The following ATP2C2 variants were observed in gnomAD, a reference collection of about 807,000 sequenced individuals.
ATP2C2 encodes the protein calcium-transporting ATPase type 2C member 2.
A neutral mutation model predicts 110.8 loss-of-function variants in ATP2C2; 171 were observed. The observed-to-expected ratio is 1.54, with a 90% CI of 1.36 to 1.75. ATP2C2 has a LOEUF of 1.75. ATP2C2 is among the 40% of genes most tolerant of loss of function. ATP2C2 has a pLI of 0.00. For synonymous variants in ATP2C2, 804 were observed against 508.4 expected (o/e 1.58, Z -7.82); for missense variants, 1,963 against 1,235.0 (o/e 1.59, Z -8.84).
In ATP2C2 at chr16:84,460,733, C is replaced by T. The variant is rs756319602; in HGVS notation, c.2413C>T (p.Leu805Phe). Residue 805 changes from leucine to phenylalanine, a missense_variant, in exon 24 of 27, where the codon CTC (leucine) becomes TTC (phenylalanine). Transcript: ENST00000262429. ...SVRDTILSRA[L>F]ILKILMSAAI... Reference sequence around the variant, plus strand: ...GCGGGACACCATCCTCAGCAGAGCCCTCATCCTGAAGATCCTCATGTCCGC... The same window carrying T: ...GCGGGACACCATCCTCAGCAGAGCCTTCATCCTGAAGATCCTCATGTCCGC... The T allele has an allele frequency of 6.2e-6, 10 of 1,614,178 alleles. No homozygotes were observed. The highest frequency in any genetic ancestry group is 5.0e-5 in the Admixed American group (3 of 60,022).
intron 11 of ATP2C2, among the ~76,000 whole-genome samples, chr16:84,432,669 T>C (rs1366402712): frequency 6.6e-6 from 1 of 152,038 alleles, no homozygotes; most frequent in South Asian, 2.1e-4. Context: ...TACAGGTGCC[T>C]GCCACCACAC....
chr16:84,430,793 C>G (rs940480886), intron 11 of ATP2C2, among the ~76,000 whole-genome samples: 2 of 152,078 alleles, frequency 1.3e-5, no homozygotes, highest in African/African-American at 4.8e-5. Context: ...CTCCTTTTTA[C>G]AGATTGGGAA....
rs748724120 is a variant in ATP2C2 at position 84,452,073 on chromosome 16, G to C, written c.1813G>C (p.Glu605Gln). The C allele has an allele frequency of 9.3e-6, 15 of 1,613,940 alleles. No homozygotes were observed. In the South Asian group the frequency reaches 1.5e-4, roughly 17 times the overall value. ...GAAGATGATAACGGGGGATGCCCTG[G>C]AGACGGCCTTGGCCATAGGTAACTG... ...SVKMITGDAL[E>Q]TALAIGRNIG... is the part of the protein sequence containing the mutation. The change falls in exon 18 of 27, where the codon GAG (glutamate) becomes CAG (glutamine). Residue 605 changes from glutamate (E) to glutamine (Q), a missense_variant. By Grantham distance (29) the Glu-to-Gln change is conservative. Coordinates refer to ENST00000262429, the MANE Select transcript of ATP2C2 (RefSeq NM_014861.4).
At position 84,460,545 on chromosome 16, in the gene ATP2C2, C is replaced by T. The variant is rs1056357307; in HGVS notation, c.2334-109C>T. On this transcript the variant is annotated intron_variant, in intron 23 of 26. Coordinates refer to ENST00000262429, the MANE Select transcript of ATP2C2 (RefSeq NM_014861.4). Reference sequence around the variant, plus strand: ...CTGGGGGCGTTCAGCAAATGCCTGGCCCTGCCCCCTGTGCCAACTTGGCCT... The same window carrying T: ...CTGGGGGCGTTCAGCAAATGCCTGGTCCTGCCCCCTGTGCCAACTTGGCCT... 2.7e-6 allele frequency: 4 copies of T among 1,498,384 alleles called. No homozygotes were observed. The East Asian group carries it at 6.8e-5, about 25-fold the overall frequency. The allele number at this position is 1,498,384 out of a possible 1,614,324, so 92.8% of individuals were successfully genotyped here.
chr16:84,410,574 C>G lies in ATP2C2; in HGVS notation c.424C>G (p.Leu142Val), dbSNP rs532150695. The change falls in exon 5 of 27, where the codon CTT (leucine) becomes GTT (valine). Residue 142 changes from leucine to valine, a missense_variant. Physicochemically the swap from Leu to Val is conservative, Grantham distance 32. Transcript: ENST00000262429. ...TCCTCCGTTTGCTGTCTAGGCAGTG[C>G]TTGTCGTGGTCACTGTCGCCTTCAT... ...EDAVSIATAV[L>V]VVVTVAFIQE... 3.1e-6 allele frequency: 5 copies of G among 1,614,064 alleles called. No individual in the cohort carries two copies. In the South Asian group the frequency reaches 4.4e-5, roughly 14 times the overall value.
At chr16:84,410,182 C>T (rs1361376198) in intron 4 of ATP2C2, among the ~76,000 whole-genome samples, 1 of 152,162 alleles carries the variant, frequency 6.6e-6, no homozygotes, top group Non-Finnish European at 1.5e-5. Flanking sequence ...GCACTCCAGC[C>T]TGGTGGCAGA....
chr16:84,459,419 C>T (rs1262286216), intron 23 of ATP2C2, 33 bp downstream of exon 23: 4 of 1,608,820 alleles, frequency 2.5e-6, no homozygotes, highest in Non-Finnish European at 2.6e-6. Flanking sequence ...CCCTGTGTCT[C>T]TTTACCCACC....
Position 84,460,752 on chromosome 16 carries a change from T to A in ATP2C2, c.2432T>A (p.Met811Lys). 2.5e-6 allele frequency: 4 copies of A among 1,614,114 alleles called. No homozygotes were observed. Among genetic ancestry groups the A allele is most frequent in the Non-Finnish European group, 3.4e-6 (4 of 1,179,974 alleles). ...AGAGCCCTCATCCTGAAGATCCTCA[T>A]GTCCGCGGCCATCATCATCAGCGGG... Reference protein sequence around the residue: ...LSRALILKILMSAAIIISGTL... With the variant: ...LSRALILKILKSAAIIISGTL... The change falls in exon 24 of 27, where the codon ATG (methionine) becomes AAG (lysine). Residue 811 changes from methionine to lysine, a missense_variant. Transcript: ENST00000262429.
At chr16:84,420,100 C>A (rs1907194472) in intron 7 of ATP2C2, among the ~76,000 whole-genome samples, 1 of 152,192 alleles carries the variant, frequency 6.6e-6, no homozygotes, top group South Asian at 2.1e-4. Context: ...CTATCTCATC[C>A]CGGAGGTCTC....
At chr16:84,411,153 T>G (rs1298260698) in intron 6 of ATP2C2, among the ~76,000 whole-genome samples, 10 of 152,102 alleles carry the variant, frequency 6.6e-5, no homozygotes. Flanking sequence ...GAGAGTGAGA[T>G]CCAGGTCTTT....
chr16:84,455,068 A>AGGGGG, intron 21 of ATP2C2, 84 bp downstream of exon 21: 1 of 1,250,380 alleles, frequency 8.0e-7, no homozygotes, highest in South Asian at 1.4e-5. Context: ...CTGTGGAGAT[A>AGGGGG]GAGGGGGGGG....
chr16:84,416,041 G>A (rs1906804857), intron 7 of ATP2C2, among the ~76,000 whole-genome samples: 1 of 152,230 alleles, frequency 6.6e-6, no homozygotes, highest in African/African-American at 2.4e-5. Flanking sequence ...AGGCATGGTG[G>A]CATGTGCCTG....
chr16:84,370,701 A>G (rs1337150390), intron 1 of ATP2C2, among the ~76,000 whole-genome samples: 2 of 142,566 alleles, frequency 1.4e-5, no homozygotes, highest in Non-Finnish European at 1.5e-5. Flanking sequence ...GTTATTTCAT[A>G]CTAGTTTATT....
intron 2 of ATP2C2, among the ~76,000 whole-genome samples, chr16:84,399,780 CTT>C (rs375703169): frequency 2.0e-5 from 3 of 152,172 alleles, no homozygotes; most frequent in African/African-American, 4.8e-5. Flanking sequence ...CACTTACACT[CTT>C]TGAGTTATTT....
At chr16:84,394,320 C>T (rs1483968681) in intron 1 of ATP2C2, among the ~76,000 whole-genome samples, 2 of 152,100 alleles carry the variant, frequency 1.3e-5, no homozygotes, top group Non-Finnish European at 2.9e-5. Context: ...AGTTCTGAAA[C>T]ATTTGAAAGA....
Position 84,368,605 on chromosome 16 carries a change from G to A in ATP2C2, c.-11G>A. 1.9e-6 allele frequency: 3 copies of A among 1,546,964 alleles called. No individual in the cohort carries two copies. The highest frequency in any genetic ancestry group is 2.6e-6 in the Non-Finnish European group (3 of 1,145,964). ...ACCTAGGGACGCAGGCAACGCCTGC[G>A]CCCGCTCACCATGGTCGAGGGACGC... On this transcript the variant is annotated 5_prime_UTR_variant, in exon 1 of 27. Transcript: ENST00000262429.
At chr16:84,419,698 A>G (rs961584099) in intron 7 of ATP2C2, among the ~76,000 whole-genome samples, 1 of 152,038 alleles carries the variant, frequency 6.6e-6, no homozygotes, top group African/African-American at 2.4e-5. Context: ...TCATTCAACA[A>G]GTGTTTCCTG....
chr16:84,410,839 G>A, intron 6 of ATP2C2, 74 bp downstream of exon 6: 2 of 1,443,172 alleles, frequency 1.4e-6, no homozygotes, highest in Admixed American at 1.7e-5. Context: ...GCAAATGTTT[G>A]CTGAAAGTTG....
intron 13 of ATP2C2, among the ~76,000 whole-genome samples, chr16:84,440,116 G>A (rs958878209): frequency 6.6e-6 from 1 of 152,242 alleles, no homozygotes; most frequent in Non-Finnish European, 1.5e-5. Flanking sequence ...GGGATTACAG[G>A]CGTGAGCCAC....
Sources: gnomAD v4.1 joint callset for allele counts (sites outside exome capture counted in the v4.1 genomes callset) on GRCh38, gnomAD v4.1.1 for gene constraint, MANE v1.5 for transcripts, NCBI Gene and HGNC (gene_info 2026-07-23, HGNC 2026-07-21) for gene names.